The following NUBPL variants were observed in gnomAD, a reference collection of about 807,000 sequenced individuals.
NUBPL encodes iron-sulfur cluster transfer protein NUBPL.
A neutral mutation model predicts 45.7 loss-of-function variants in NUBPL; 31 were observed. The ratio of observed to expected loss-of-function variants is 0.68; its 90% CI spans 0.51 to 0.92. NUBPL has a LOEUF of 0.92. NUBPL is among the 40% of genes least tolerant of loss of function. The pLI, the probability that NUBPL is intolerant of heterozygous loss-of-function variation, is 0.00. For missense variants in NUBPL, 401 were observed against 398.7 expected (o/e 1.01, Z -0.05); for synonymous variants, 144 against 140.9 (o/e 1.02, Z -0.15).
At chr14:31,842,119 T>C (rs968559116) in intron 8 of NUBPL, among the ~76,000 whole-genome samples, 7 of 151,474 alleles carry the variant, frequency 4.6e-5, no homozygotes, top group East Asian at 2.0e-4. Context: ...TTAGTAGAGA[T>C]GGGGTTTCAC....
intron 6 of NUBPL, among the ~76,000 whole-genome samples, chr14:31,754,772 T>A (rs1248526066): frequency 6.6e-6 from 1 of 151,250 alleles, no homozygotes; most frequent in Non-Finnish European, 1.5e-5. Flanking sequence ...TATGTATACA[T>A]GTGCCATGTT....
chr14:31,839,060 T>C (rs2040328623), intron 8 of NUBPL, among the ~76,000 whole-genome samples: 1 of 152,224 alleles, frequency 6.6e-6, no homozygotes, highest in South Asian at 2.1e-4. Flanking sequence ...GAATATTTTC[T>C]ATTGAAAAAC....
chr14:31,639,132 A>G (rs1042090208), intron 4 of NUBPL, among the ~76,000 whole-genome samples: 2 of 152,174 alleles, frequency 1.3e-5, no homozygotes, highest in South Asian at 2.1e-4. Flanking sequence ...CTGGTGAGGA[A>G]CTGCATTCCT....
intron 6 of NUBPL, among the ~76,000 whole-genome samples, chr14:31,742,451 G>C (rs2038306658): frequency 6.6e-6 from 1 of 152,146 alleles, no homozygotes; most frequent in African/African-American, 2.4e-5. Flanking sequence ...TGGGGTCTTA[G>C]ATTTTGTATT....
chr14:31,564,899 G>A (rs920705525), intron 2 of NUBPL, 115 bp from the exon 3 acceptor site: 2 of 651,284 alleles, frequency 3.1e-6, no homozygotes, highest in Non-Finnish European at 5.4e-6. Context: ...GTTATTACAT[G>A]AAAATATTAA....
intron 6 of NUBPL, among the ~76,000 whole-genome samples, chr14:31,752,140 G>T (rs2038545998): frequency 6.6e-6 from 1 of 152,208 alleles, no homozygotes; most frequent in African/African-American, 2.4e-5. Context: ...TCTCCCCATT[G>T]TCTTGGTGAT....
intron 4 of NUBPL, 102 bp from the exon 5 acceptor site, chr14:31,673,253 T>C (rs2036615970): frequency 3.1e-6 from 3 of 953,012 alleles, no homozygotes; most frequent in Non-Finnish European, 4.8e-6. Context: ...GCAATTTTTG[T>C]TAATTAAAAA....
intron 4 of NUBPL, among the ~76,000 whole-genome samples, chr14:31,635,726 G>A (rs2035476563): frequency 6.6e-6 from 1 of 151,628 alleles, no homozygotes; most frequent in Non-Finnish European, 1.5e-5. Context: ...CCATGAGCAT[G>A]GAATGTTCTT....
chr14:31,582,495 G>A (rs2033890916), intron 3 of NUBPL, among the ~76,000 whole-genome samples: 1 of 152,006 alleles, frequency 6.6e-6, no homozygotes, highest in Admixed American at 6.5e-5. Context: ...CTCTTGTGGG[G>A]TGAAATGGGG....
chr14:31,617,715 G>A (rs1290884184), intron 4 of NUBPL, among the ~76,000 whole-genome samples: 2 of 151,914 alleles, frequency 1.3e-5, no homozygotes, highest in African/African-American at 2.4e-5. Flanking sequence ...GATGTTCATC[G>A]GGGATATAGG....
intron 4 of NUBPL, among the ~76,000 whole-genome samples, chr14:31,632,103 G>A (rs1037132507): frequency 1.3e-5 from 2 of 152,138 alleles, no homozygotes; most frequent in Non-Finnish European, 1.5e-5. Flanking sequence ...GTTTCCTGGG[G>A]CTACTTTCCA....
intron 4 of NUBPL, among the ~76,000 whole-genome samples, chr14:31,657,145 G>A (rs2036160128): frequency 6.6e-6 from 1 of 152,132 alleles, no homozygotes; most frequent in Admixed American, 6.6e-5. Flanking sequence ...TACTTCAAAT[G>A]TAGCCAGTAA....
At chr14:31,858,549 C>T (rs948354958) in intron 10 of NUBPL, among the ~76,000 whole-genome samples, 1 of 152,188 alleles carries the variant, frequency 6.6e-6, no homozygotes, top group African/African-American at 2.4e-5. Flanking sequence ...TCCCATGACA[C>T]TGGGATCCCA....
intron 3 of NUBPL, among the ~76,000 whole-genome samples, chr14:31,592,086 C>G (rs2034157007): frequency 6.6e-6 from 1 of 152,064 alleles, no homozygotes. Flanking sequence ...CCATTGAAAA[C>G]ATGACACTTG....
At chr14:31,732,451 A>G (rs943378885) in intron 6 of NUBPL, among the ~76,000 whole-genome samples, 1 of 151,984 alleles carries the variant, frequency 6.6e-6, no homozygotes, top group African/African-American at 2.4e-5. Context: ...AAAATCAGAA[A>G]TGAGTTTTAA....
chr14:31,662,238 A>G (rs2036287025), intron 4 of NUBPL: 1 of 148,436 alleles, frequency 6.7e-6, no homozygotes, highest in Non-Finnish European at 1.5e-5. Flanking sequence ...TAACTATAGG[A>G]ATTAAAATAT....
At chr14:31,799,210 A>T (rs754436304) in intron 7 of NUBPL, among the ~76,000 whole-genome samples, 1 of 152,138 alleles carries the variant, frequency 6.6e-6, no homozygotes, top group African/African-American at 2.4e-5. Context: ...TATTAGCTAG[A>T]TACAAGATAC....
chr14:31,628,152 T>C (rs1056112315), intron 4 of NUBPL, among the ~76,000 whole-genome samples: 2 of 152,198 alleles, frequency 1.3e-5, no homozygotes, highest in African/African-American at 2.4e-5. Flanking sequence ...TTTAAATAAG[T>C]GTGGATTTTC....
At chr14:31,763,602 A>T (rs923082054) in intron 6 of NUBPL, among the ~76,000 whole-genome samples, 134 of 152,300 alleles carry the variant, frequency 8.8e-4, no homozygotes, top group African/African-American at 3.2e-3. Flanking sequence ...CAATCTGAAT[A>T]TATTTTTTGT....
Sources: allele counts gnomAD v4.1 joint callset (sites outside exome capture counted in the v4.1 genomes callset), GRCh38; gene constraint gnomAD v4.1.1; transcripts MANE v1.5; gene names NCBI Gene and HGNC (gene_info 2026-07-23, HGNC 2026-07-21).